UBE3B: variants seen among roughly 807,000 people sequenced by gnomAD.
UBE3B encodes the protein ubiquitin-protein ligase E3B.
UBE3B carries 80 observed loss-of-function variants against 132.3 expected under a neutral mutation model. The ratio of observed to expected loss-of-function variants is 0.60; its 90% CI spans 0.50 to 0.73. The LOEUF (loss-of-function observed/expected upper bound fraction) is 0.73, where lower values mean the gene tolerates loss of function less well. Ranked by LOEUF, UBE3B falls within the 30% of genes least tolerant of loss-of-function variation. UBE3B has a pLI of 0.00. For missense variants in UBE3B, 1,196 were observed against 1,362.5 expected, an observed-to-expected ratio of 0.88 and a Z score of 1.92; for synonymous variants, 487 against 520.4, an observed-to-expected ratio of 0.94 and a Z score of 0.87.
intron 10 of UBE3B, 115 bp downstream of exon 10, chr12:109,498,038 C>A: frequency 7.4e-7 from 1 of 1,343,736 alleles, no homozygotes; most frequent in Non-Finnish European, 1.0e-6. Context: ...TTTAATTGTT[C>A]TTTGGGACCA....
chr12:109,530,522 G>A (rs370834382), intron 25 of UBE3B, 25 bp from the exon 26 acceptor site: 341 of 1,608,404 alleles, frequency 2.1e-4, no homozygotes, highest in Non-Finnish European at 2.8e-4. Context: ...GCACATTGCT[G>A]AGCCCAGGTC....
chr12:109,529,879 G>A lies in UBE3B; in HGVS notation c.2628-11G>A, dbSNP rs757591265. On this transcript the variant is annotated splice_polypyrimidine_tract_variant and intron_variant, in intron 24 of 27. Transcript: ENST00000342494. ...TAATTGTCATTGTTATCTCTTCCTT[G>A]TTGGCAACAGAATTAGCTACATCCA... The A allele has an allele frequency of 1.9e-5, 30 of 1,613,702 alleles. No individual in the cohort carries two copies. In the East Asian group the frequency reaches 2.4e-4, roughly 13 times the overall value.
At chr12:109,540,914 C>T (rs1380300709), downstream of UBE3B, among the ~76,000 whole-genome samples, 5 of 152,214 alleles carry the variant, frequency 3.3e-5, no homozygotes, top group East Asian at 1.9e-4. Flanking sequence ...GGTATGAGAG[C>T]GGCTCTGGGA....
intron 15 of UBE3B, among the ~76,000 whole-genome samples, chr12:109,507,955 A>G (rs1042009160): frequency 6.6e-6 from 1 of 152,200 alleles, no homozygotes; most frequent in Non-Finnish European, 1.5e-5. Flanking sequence ...CATCCTTTCA[A>G]GGAAGCTGAT....
In UBE3B at chr12:109,516,911, C is replaced by A. The variant is rs369069499; in HGVS notation, c.2076+27C>A. The A allele has an allele frequency of 2.5e-6, 4 of 1,609,096 alleles. No individual in the cohort carries two copies. In the African/African-American group the frequency reaches 5.4e-5, roughly 22 times the overall value. The stretch of plus-strand genomic sequence containing the variant: ...TGAGTGTGAAGCCTATGGAATCCTA[C>A]CACAAGGAAGTGGGCCCTGCAACAT... On this transcript the variant is annotated intron_variant, in intron 19 of 27. Coordinates refer to ENST00000342494, the MANE Select transcript of UBE3B (RefSeq NM_130466.4).
chr12:109,522,565 A>G lies in UBE3B; in HGVS notation c.2364+1014A>G, dbSNP rs1479896443. On this transcript the variant is annotated intron_variant, in intron 21 of 27. Coordinates refer to ENST00000342494, the MANE Select transcript of UBE3B (RefSeq NM_130466.4). This position sits in a 1 kb window ranked among gnomAD's most constrained non-coding sequence, Gnocchi z 4.2. ...GCCACCTGGGCAGCACTCCTCGCATACCCCAGGAACCTGGAGAAGCCAGAT... is the reference window on the plus strand; with the variant it reads ...GCCACCTGGGCAGCACTCCTCGCATGCCCCAGGAACCTGGAGAAGCCAGAT... Among the ~76,000 whole-genome samples the G allele has an allele frequency of 6.6e-6, 1 of 152,182 alleles. No homozygotes were observed.
intron 12 of UBE3B, 27 bp downstream of exon 12, chr12:109,499,837 T>G (rs1166362213): frequency 4.6e-6 from 7 of 1,529,640 alleles, no homozygotes; most frequent in Non-Finnish European, 5.3e-6. Context: ...AATCACTGTC[T>G]TTCCTGCCTC....
chr12:109,490,230 G>A, intron 8 of UBE3B: 1 of 903,458 alleles, frequency 1.1e-6, no homozygotes, highest in Non-Finnish European at 1.7e-6. Flanking sequence ...CTACATTTTT[G>A]GCTGCAAGGG....
At chr12:109,526,593 C>T (rs1038591088) in intron 24 of UBE3B, among the ~76,000 whole-genome samples, 177 bp downstream of exon 24, 1 of 152,188 alleles carries the variant, frequency 6.6e-6, no homozygotes, top group Non-Finnish European at 1.5e-5. Context: ...CAATTTGCGG[C>T]CGGGCACAGT....
At position 109,510,532 on chromosome 12, in the gene UBE3B, A is replaced by G. The variant is rs540237490; in HGVS notation, c.1856+74A>G. 2.9e-5 allele frequency: 36 copies of G among 1,226,052 alleles called. No homozygotes were observed. The African/African-American group carries it at 3.0e-4, about 10-fold the overall frequency. 75.9% of individuals were successfully genotyped at this position (1,226,052 alleles called of 1,614,324 possible). Reference sequence around the variant, plus strand: ...CACGCTGCCCGAGCACTCAGCTCTCATGTTCTAGGGCAGAGAGGACTTTTT... The same window carrying G: ...CACGCTGCCCGAGCACTCAGCTCTCGTGTTCTAGGGCAGAGAGGACTTTTT... On this transcript the variant is annotated intron_variant, in intron 17 of 27. Coordinates refer to ENST00000342494, the MANE Select transcript of UBE3B (RefSeq NM_130466.4).
At chr12:109,533,927 A>G (rs1883213077) in intron 27 of UBE3B, 1 of 1,321,194 alleles carries the variant, frequency 7.6e-7, no homozygotes, top group African/African-American at 1.5e-5. Flanking sequence ...GCAGACTCGA[A>G]TGCTACTCCT....
chr12:109,490,668 A>C, intron 8 of UBE3B: 24 of 1,496,716 alleles, frequency 1.6e-5, no homozygotes, highest in Non-Finnish European at 2.0e-5. Flanking sequence ...TAAGTCTGGC[A>C]TTATTTGTAT....
chr12:109,538,872 C>T (rs946597423), downstream of UBE3B, among the ~76,000 whole-genome samples: 2 of 152,254 alleles, frequency 1.3e-5, no homozygotes, highest in Admixed American at 1.3e-4. This position sits in a 1 kb window ranked among gnomAD's most constrained non-coding sequence, Gnocchi z 4.1. Context: ...CGTTTCCAGG[C>T]CCCTGTGGCC....
intron 1 of UBE3B, among the ~76,000 whole-genome samples, chr12:109,479,597 C>CT (rs898234582): frequency 2.5e-4 from 38 of 152,274 alleles, no homozygotes; most frequent in African/African-American, 8.7e-4. Context: ...AAAATAAGTA[C>CT]TTAATAAACA....
At chr12:109,539,779 G>A (rs7954512), downstream of UBE3B, among the ~76,000 whole-genome samples, 25,523 of 152,012 alleles carry the variant, frequency 0.17, 2,205 homozygotes, top group African/African-American at 0.18. Context: ...GCTGGGCTTC[G>A]CTCAGCCCCT....
chr12:109,518,547 G>T (rs758071173), intron 19 of UBE3B, among the ~76,000 whole-genome samples: 15 of 152,112 alleles, frequency 9.9e-5, no homozygotes, highest in Non-Finnish European at 1.9e-4. Flanking sequence ...TCCCTCTGCA[G>T]ACCCAGATGC....
the UBE3B span, among the ~76,000 whole-genome samples, chr12:109,546,061 G>C: frequency 6.6e-6 from 1 of 152,176 alleles, no homozygotes; most frequent in African/African-American, 2.4e-5. Context: ...AGCTAAGGCA[G>C]AGTTGCAAGT....
Position 109,521,195 on chromosome 12 carries a change from G to A in UBE3B, c.2124G>A (p.Gly708=). The change falls in exon 20 of 28, where the codon GGG becomes GGA. Residue 708 remains glycine (G), a synonymous_variant. Transcript: ENST00000342494. The surrounding 1 kb of genome is among the most constrained non-coding windows in gnomAD (Gnocchi z 4.2). ...LRQLSQHAMK[G]VIRVKFVNDL... is the part of the protein sequence containing the mutation. ...AGCTCTCCCAGCACGCCATGAAGGG[G>A]GTCATCCGTGTGAAGTTTGTCAATG... The A allele has an allele frequency of 6.2e-7, 1 of 1,614,202 alleles. No homozygotes were observed. Among genetic ancestry groups the A allele is most frequent in the Non-Finnish European group, 8.5e-7 (1 of 1,180,024 alleles).
At chr12:109,529,773 A>T in intron 24 of UBE3B, 117 bp from the exon 25 acceptor site, 1 of 1,155,328 alleles carries the variant, frequency 8.7e-7, no homozygotes. Flanking sequence ...ACACTCTGGT[A>T]CTATTTGTGT....
Sources: gnomAD v4.1 joint callset for allele counts (sites outside exome capture counted in the v4.1 genomes callset) on GRCh38, gnomAD v4.1.1 for gene constraint, Gnocchi (gnomAD v3.1) non-coding constraint, MANE v1.5 for transcripts, NCBI Gene and HGNC (gene_info 2026-07-23, HGNC 2026-07-21) for gene names.